STX8: variants seen among roughly 807,000 people sequenced by gnomAD.
STX8 encodes the protein syntaxin 8, also known as syntaxin-8.
In STX8, 23 loss-of-function variants were observed where a neutral mutation model predicts 37.5. The ratio of observed to expected loss-of-function variants is 0.61; its 90% CI spans 0.44 to 0.87. The LOEUF (loss-of-function observed/expected upper bound fraction) is 0.87, where lower values mean the gene tolerates loss of function less well. STX8 is among the 40% of genes least tolerant of loss of function. The pLI, the probability that STX8 is intolerant of heterozygous loss-of-function variation, is 0.00. For synonymous variants in STX8, 115 were observed against 99.1 expected (o/e 1.16, Z -0.95); for missense variants, 313 against 284.7 (o/e 1.10, Z -0.71).
chr17:9,376,145 G>C (rs1911574292), intron 7 of STX8, among the ~76,000 whole-genome samples: 1 of 152,176 alleles, frequency 6.6e-6, no homozygotes, highest in African/African-American at 2.4e-5. Context: ...TTCTGGGTCG[G>C]GTGGGGACTT....
intron 5 of STX8, among the ~76,000 whole-genome samples, chr17:9,500,724 C>T (rs773317602): frequency 4.6e-5 from 7 of 152,220 alleles, no homozygotes; most frequent in East Asian, 1.9e-4. Context: ...ATATGAAGGC[C>T]GGGCGTGCTG....
At chr17:9,291,944 T>C (rs1363007845) in intron 7 of STX8, among the ~76,000 whole-genome samples, 1 of 152,256 alleles carries the variant, frequency 6.6e-6, no homozygotes, top group East Asian at 1.9e-4. Context: ...TATTTTGGTG[T>C]TGTTTCCAAG....
intron 7 of STX8, among the ~76,000 whole-genome samples, chr17:9,310,514 C>T (rs1460497580): frequency 6.6e-6 from 1 of 152,128 alleles, no homozygotes. Flanking sequence ...ATGTAACCTG[C>T]TCTTGTCTCA....
At chr17:9,327,232 A>AAGGAGGAAAG (rs1314660766) in intron 7 of STX8, among the ~76,000 whole-genome samples, 1 of 149,178 alleles carries the variant, frequency 6.7e-6, no homozygotes, top group Non-Finnish European at 1.5e-5. Flanking sequence ...AAGAAGGAGG[A>AAGGAGGAAAG]AGGAGGACAG....
At chr17:9,432,823 T>G (rs1270387274) in intron 6 of STX8, among the ~76,000 whole-genome samples, 2 of 152,310 alleles carry the variant, frequency 1.3e-5, no homozygotes, top group East Asian at 3.9e-4. Flanking sequence ...TCTGTGTACT[T>G]TCCAAATTAG....
intron 6 of STX8, among the ~76,000 whole-genome samples, chr17:9,401,350 T>C (rs1912612700): frequency 6.6e-6 from 1 of 152,202 alleles, no homozygotes; most frequent in Non-Finnish European, 1.5e-5. Flanking sequence ...TATAAATGAA[T>C]AGTTTTAAAA....
rs144876167 is a variant in STX8 at position 9,271,621 on chromosome 17, G to A, written c.644-20976C>T. 7.8e-3 allele frequency among the ~76,000 whole-genome samples: 1,194 copies of A among 152,114 alleles called. 20 individuals carry two copies. Among genetic ancestry groups the A allele is most frequent in the African/African-American group, 0.026 (1,078 of 41,514 alleles). On this transcript the variant is annotated intron_variant, in intron 7 of 7. Transcript: ENST00000306357. ...AAAAATTAGATGGGCGTGGTAGCAC[G>A]CACCTGTAGTCCCAGCTACTCGGGA...
intron 6 of STX8, among the ~76,000 whole-genome samples, chr17:9,405,161 A>T (rs1272907109): frequency 6.6e-6 from 1 of 152,192 alleles, no homozygotes; most frequent in African/African-American, 2.4e-5. Flanking sequence ...CAATGGTGTC[A>T]TTATTCTAGA....
chr17:9,557,526 A>T lies in STX8; in HGVS notation c.120T>A (p.Leu40=). ...GCAACAAAGCTCTGATTGTCACGGT[A>T]AGCTGAAAAGAAAAGAACACATCCT... The part of the protein sequence containing the change: ...YERKGEKAPK[L]TVTIRALLQN... Residue 40 remains leucine, a splice_region_variant and synonymous_variant, in exon 3 of 8, where the codon CTT becomes CTA. Coordinates refer to ENST00000306357, the MANE Select transcript of STX8 (RefSeq NM_004853.3). 1 of 1,613,874 alleles carries T rather than the reference A, an allele frequency of 6.2e-7. No homozygotes were observed. Among genetic ancestry groups the T allele is most frequent in the Non-Finnish European group, 8.5e-7 (1 of 1,179,810 alleles).
intron 6 of STX8, among the ~76,000 whole-genome samples, chr17:9,451,772 CA>C (rs1228538056): frequency 1.4e-5 from 2 of 148,110 alleles, no homozygotes; most frequent in Non-Finnish European, 3.0e-5. Context: ...CATATATACA[CA>C]AAAATATACA....
chr17:9,297,557 C>T (rs370004878), intron 7 of STX8, among the ~76,000 whole-genome samples: 8 of 152,320 alleles, frequency 5.3e-5, no homozygotes, highest in African/African-American at 1.9e-4. Context: ...CAGGGCTAGG[C>T]AACAGCAAGT....
At chr17:9,305,024 A>T (rs1597594513) in intron 7 of STX8, among the ~76,000 whole-genome samples, 2 of 151,716 alleles carry the variant, frequency 1.3e-5, no homozygotes, top group African/African-American at 2.4e-5. Flanking sequence ...TACAGTGAGG[A>T]CTCACAGAAC....
At chr17:9,539,037 A>C (rs1422035592) in intron 4 of STX8, among the ~76,000 whole-genome samples, 1 of 152,220 alleles carries the variant, frequency 6.6e-6, no homozygotes, top group Admixed American at 6.5e-5. Context: ...ACAAGTTTCC[A>C]AATACCCTAA....
intron 7 of STX8, among the ~76,000 whole-genome samples, chr17:9,310,334 C>T (rs1909148297): frequency 1.3e-5 from 2 of 152,298 alleles, no homozygotes; most frequent in Middle Eastern, 3.4e-3. Flanking sequence ...CACTTAAAAT[C>T]GCTCTTGGAA....
intron 6 of STX8, among the ~76,000 whole-genome samples, chr17:9,476,626 T>C (rs539542625): frequency 1.1e-4 from 16 of 152,040 alleles, no homozygotes; most frequent in Non-Finnish European, 2.2e-4. Context: ...CTAATTTTTA[T>C]ATTTTTAGTA....
intron 7 of STX8, among the ~76,000 whole-genome samples, chr17:9,280,163 T>A (rs1355725804): frequency 6.6e-6 from 1 of 152,080 alleles, no homozygotes; most frequent in Non-Finnish European, 1.5e-5. Context: ...AAGGCAGCAG[T>A]GAGCTGAGAT....
Position 9,296,349 on chromosome 17 carries a change from T to C in STX8, c.644-45704A>G, listed in dbSNP as rs561556696. ...CGACAGAGACTCTGTCTCAAAAAAA[T>C]TAGCCAGGCGTGGTGGTGCGTGCCT... is the stretch of plus-strand genomic sequence containing the variant. On this transcript the variant is annotated intron_variant, in intron 7 of 7. Coordinates refer to ENST00000306357, the MANE Select transcript of STX8 (RefSeq NM_004853.3). Among the ~76,000 whole-genome samples the C allele has an allele frequency of 1.6e-3, 234 of 150,226 alleles. 1 individual carries two copies. The highest frequency in any genetic ancestry group is 5.3e-3 in the African/African-American group (214 of 40,634).
chr17:9,522,149 T>C (rs946089648), intron 4 of STX8, among the ~76,000 whole-genome samples: 1 of 152,066 alleles, frequency 6.6e-6, no homozygotes, highest in Non-Finnish European at 1.5e-5. Flanking sequence ...GTACCTTAAA[T>C]GTTTGCAAAT....
At chr17:9,532,744 G>T (rs958264279) in intron 4 of STX8, among the ~76,000 whole-genome samples, 5 of 152,004 alleles carry the variant, frequency 3.3e-5, no homozygotes, top group African/African-American at 1.2e-4. Flanking sequence ...ACCAAGAAGA[G>T]TCCCAAAAAA....
Sources: gnomAD v4.1 joint callset for allele counts (sites outside exome capture counted in the v4.1 genomes callset) on GRCh38, gnomAD v4.1.1 for gene constraint, MANE v1.5 for transcripts, NCBI Gene and HGNC (gene_info 2026-07-23, HGNC 2026-07-21) for gene names.